The following ABCB6 variants were observed in gnomAD, a reference collection of about 807,000 sequenced individuals.
ABCB6 encodes ATP-binding cassette sub-family B member 6.
In ABCB6, 87 loss-of-function variants were observed where a neutral mutation model predicts 99.4. That is an observed-to-expected ratio of 0.88 (90% CI 0.74 to 1.05). The LOEUF (loss-of-function observed/expected upper bound fraction) is 1.05. Among genes scored for constraint, ABCB6 ranks in the 50% least tolerant of loss-of-function variants. The pLI is 0.00. For synonymous variants in ABCB6, 482 were observed against 447.5 expected (o/e 1.08, Z -0.97); for missense variants, 1,050 against 1,097.9 (o/e 0.96, Z 0.62).
intron 2 of ABCB6, among the ~76,000 whole-genome samples, 169 bp from the exon 3 acceptor site, chr2:219,217,001 A>C (rs140919673): frequency 6.6e-4 from 100 of 152,348 alleles, no homozygotes; most frequent in Middle Eastern, 3.4e-3. Context: ...TTTGGAAAAG[A>C]AGCATTTCAT....
At position 219,216,385 on chromosome 2, in the gene ABCB6, C is replaced by T. The variant is rs932780824; in HGVS notation, c.949G>A (p.Gly317Arg). 1 of 1,614,002 alleles carries T rather than the reference C, an allele frequency of 6.2e-7. No individual in the cohort carries two copies. Among genetic ancestry groups the T allele is most frequent in the African/African-American group, 1.3e-5 (1 of 74,980 alleles). ...ATACCTGTACTGCCAGTGCCACCCC[C>T]CTGGAGGAACTTGAGGAAGACGTAA... ...TSYVFLKFLQ[G>R]GGTGSTGFVS... The change falls in exon 4 of 19, where the codon GGG becomes AGG. Residue 317 changes from glycine to arginine, a missense_variant. By Grantham distance (125) the Gly-to-Arg change is moderately radical. Transcript: ENST00000265316. This position sits in a 1 kb window ranked among gnomAD's most constrained non-coding sequence, Gnocchi z 4.2.
Position 219,210,743 on chromosome 2 carries a change from G to T in ABCB6, c.2224C>A (p.Leu742Ile). 4 of 1,613,776 alleles carry T rather than the reference G, an allele frequency of 2.5e-6. No individual in the cohort carries two copies. Among genetic ancestry groups the T allele is most frequent in the African/African-American group, 2.7e-5 (2 of 75,038 alleles). The stretch of plus-strand genomic sequence containing the variant: ...AGCAGAATGATGCCCGGAGCCTTGA[G>T]GATGGTGCGGGCAATGGCGACGCGC... ...KQRVAIARTI[L>I]KAPGIILLDE... Residue 742 changes from leucine (L) to isoleucine (I), a missense_variant, in exon 16 of 19, where the codon CTC becomes ATC. Leu to Ile is a conservative substitution (Grantham distance 5). Transcript: ENST00000265316.
rs778661074 is a variant in ABCB6, at chr2:219,218,624, G to A, written c.50C>T (p.Ala17Val). ...GGGACTCAGGCCATCCTGCATCCAG[G>A]CCGGACCCACGGGCCCTTCGGCCTC... ...YCEAEGPVGP[A>V]WMQDGLSPCF... The change falls in exon 1 of 19, where the codon GCC (alanine) becomes GTC (valine). Residue 17 changes from alanine to valine, a missense_variant. Coordinates refer to ENST00000265316, the MANE Select transcript of ABCB6 (RefSeq NM_005689.4). 6.2e-7 allele frequency: 1 copy of A among 1,607,070 alleles called. No individual in the cohort carries two copies. The highest frequency in any genetic ancestry group is 2.2e-5 in the East Asian group (1 of 44,704).
rs1950670859 is a variant in ABCB6, at chr2:219,218,217, G to A, written c.457C>T (p.Leu153Phe). ...KFRHSPGLLL[L>F]WTVAFAAENL... ...TCAGCTGCAAACGCCACAGTCCAGA[G>A]GAGCAGGAGACCAGGGCTGTGCCTG... Residue 153 changes from leucine (L) to phenylalanine (F), a missense_variant, in exon 1 of 19, where the codon CTC becomes TTC. Transcript: ENST00000265316. 6.2e-7 allele frequency: 1 copy of A among 1,613,864 alleles called. No homozygotes were observed. The highest frequency in any genetic ancestry group is 8.5e-7 in the Non-Finnish European group (1 of 1,180,028).
chr2:219,215,450 A>G (rs1268310647), intron 5 of ABCB6: 1 of 209,054 alleles, frequency 4.8e-6, no homozygotes, highest in Admixed American at 5.4e-5. Context: ...AATGCAAAAA[A>G]GCAGAACCCA....
rs992853876 is a variant in ABCB6 at position 219,210,645 on chromosome 2, A to G, written c.2256+66T>C. The G allele has an allele frequency of 1.7e-5, 28 of 1,608,470 alleles. 1 individual carries two copies. In the Admixed American group the frequency reaches 2.8e-4, roughly 16 times the overall value. ...CATGGTATCTGTTCTAGGTGGGGAC[A>G]GTGCCCAGGAGGAACGGCTTGAGCA... On this transcript the variant is annotated intron_variant, in intron 16 of 18. Transcript: ENST00000265316.
intron 2 of ABCB6, among the ~76,000 whole-genome samples, 180 bp from the exon 3 acceptor site, chr2:219,217,012 T>C (rs1459332480): frequency 6.6e-6 from 1 of 152,048 alleles, no homozygotes; most frequent in Non-Finnish European, 1.5e-5. Context: ...AGCATTTCAT[T>C]TTGGGGGAAG....
Position 219,213,873 on chromosome 2 carries a change from C to T in ABCB6, c.1531G>A (p.Ala511Thr), listed in dbSNP as rs140089441. The T allele has an allele frequency of 9.6e-5, 155 of 1,614,150 alleles. 1 individual carries two copies. In the African/African-American group the frequency reaches 1.9e-3, roughly 19 times the overall value. The part of the protein sequence containing the change: ...QNLVIGLGLL[A>T]GSLLCAYFVT... The stretch of plus-strand genomic sequence containing the variant: ...AAGTATGCGCAAAGCAGGGAGCCGG[C>T]GAGGAGCCCGAGCCCAATCACCAGG... The change falls in exon 9 of 19, where the codon GCC (alanine) becomes ACC (threonine). Residue 511 changes from alanine to threonine, a missense_variant. By Grantham distance (58) the Ala-to-Thr change is moderately conservative. Transcript: ENST00000265316.
At position 219,218,923 on chromosome 2, in the gene ABCB6, C is replaced by G; in HGVS notation, c.-250G>C. 1 of 476,420 alleles carries G rather than the reference C, an allele frequency of 2.1e-6. No individual in the cohort carries two copies. The highest frequency in any genetic ancestry group is 3.7e-5 in the East Asian group (1 of 27,172). The allele number at this position is 476,420 out of a possible 1,614,324, so 29.5% of individuals were successfully genotyped here. ...CAGCACGGCCCCGCTGGCTCTGGGC[C>G]CGGGACCCTCCTGCCAACTGCAGGC... On this transcript the variant is annotated 5_prime_UTR_variant, in exon 1 of 19. Coordinates refer to ENST00000265316, the MANE Select transcript of ABCB6 (RefSeq NM_005689.4).
Position 219,216,721 on chromosome 2 carries a change from T to G in ABCB6, c.799A>C (p.Ile267Leu), listed in dbSNP as rs777412078. 5 of 1,604,354 alleles carry G rather than the reference T, an allele frequency of 3.1e-6. No homozygotes were observed. Among genetic ancestry groups the G allele is most frequent in the Non-Finnish European group, 4.3e-6 (5 of 1,175,666 alleles). ...TCCAAACCCATGAGCCCCAGGCAGA[T>G]GAGCACCACCAGCTGCAGAGCTGGA... is the stretch of plus-strand genomic sequence containing the variant. ...GSPALQLVVL[I>L]CLGLMGLERA... is the part of the protein sequence containing the mutation. The change falls in exon 3 of 19, where the codon ATC (isoleucine) becomes CTC (leucine). Residue 267 changes from isoleucine to leucine, a missense_variant. Physicochemically the swap from Ile to Leu is conservative, Grantham distance 5. Coordinates refer to ENST00000265316, the MANE Select transcript of ABCB6 (RefSeq NM_005689.4). The surrounding 1 kb of genome is among the most constrained non-coding windows in gnomAD (Gnocchi z 4.2).
chr2:219,216,973 C>G lies in ABCB6; in HGVS notation c.688-141G>C, dbSNP rs1950649673. 5 of 682,928 alleles carry G rather than the reference C, an allele frequency of 7.3e-6. No homozygotes were observed. The East Asian group carries it at 1.4e-4, about 19-fold the overall frequency. The allele number at this position is 682,928 out of a possible 1,614,324, so 42.3% of individuals were successfully genotyped here. On this transcript the variant is annotated intron_variant, in intron 2 of 18. Coordinates refer to ENST00000265316, the MANE Select transcript of ABCB6 (RefSeq NM_005689.4). The surrounding 1 kb of genome is among the most constrained non-coding windows in gnomAD (Gnocchi z 4.2). ...GTGATCCTTGATGGGGTCAGAAAAA[C>G]TAAGTTGCAAACTGAGATTTGGAAA...
chr2:219,215,365 T>C (rs961880102), intron 5 of ABCB6: 4 of 352,494 alleles, frequency 1.1e-5, no homozygotes, highest in South Asian at 1.0e-4. Context: ...TATGTCACAA[T>C]ACCATTTGTT....
At chr2:219,217,398 C>T (rs1360532184) in intron 2 of ABCB6, among the ~76,000 whole-genome samples, 1 of 151,742 alleles carries the variant, frequency 6.6e-6, no homozygotes, top group African/African-American at 2.4e-5. Flanking sequence ...GTAATCCTAG[C>T]ACTTTGGGAG....
rs1332510577 is a variant in ABCB6 at position 219,218,589 on chromosome 2, A to C, written c.85T>G (p.Phe29Val). ...MQDGLSPCFFFTLVPSTRMAL... is the reference protein window; with the variant it reads ...MQDGLSPCFFVTLVPSTRMAL... ...ATCCGCGTCGAGGGCACGAGCGTGA[A>C]GAAGAAGCAGGGACTCAGGCCATCC... The change falls in exon 1 of 19, where the codon TTC becomes GTC. Residue 29 changes from phenylalanine (F) to valine (V), a missense_variant. Coordinates refer to ENST00000265316, the MANE Select transcript of ABCB6 (RefSeq NM_005689.4). 6.2e-7 allele frequency: 1 copy of C among 1,611,728 alleles called. No homozygotes were observed. The highest frequency in any genetic ancestry group is 1.3e-5 in the African/African-American group (1 of 74,920).
intron 9 of ABCB6, 74 bp downstream of exon 9, chr2:219,213,752 G>C (rs1950606162): frequency 6.2e-7 from 1 of 1,613,566 alleles, no homozygotes; most frequent in African/African-American, 1.3e-5. Flanking sequence ...CTACCGAAGA[G>C]CCTGGTGACC....
chr2:219,215,086 G>A lies in ABCB6; in HGVS notation c.1155-4C>T, dbSNP rs1023811039. 1 of 1,614,072 alleles carries A rather than the reference G, an allele frequency of 6.2e-7. No individual in the cohort carries two copies. Among genetic ancestry groups the A allele is most frequent in the African/African-American group, 1.3e-5 (1 of 75,060 alleles). Reference sequence around the variant, plus strand: ...GATGACATTGAACACCAGGTAGCTAGGAGGGCAGGTCAAGTGAATAAGAAA... The same window carrying A: ...GATGACATTGAACACCAGGTAGCTAAGAGGGCAGGTCAAGTGAATAAGAAA... On this transcript the variant is annotated splice_region_variant and splice_polypyrimidine_tract_variant and intron_variant, in intron 5 of 18. Coordinates refer to ENST00000265316, the MANE Select transcript of ABCB6 (RefSeq NM_005689.4).
Position 219,216,507 on chromosome 2 carries a change from A to T in ABCB6, c.869-42T>A. 6.3e-7 allele frequency: 1 copy of T among 1,599,364 alleles called. No individual in the cohort carries two copies. The highest frequency in any genetic ancestry group is 1.1e-5 in the South Asian group (1 of 90,284). On this transcript the variant is annotated intron_variant, in intron 3 of 18. Coordinates refer to ENST00000265316, the MANE Select transcript of ABCB6 (RefSeq NM_005689.4). This position sits in a 1 kb window ranked among gnomAD's most constrained non-coding sequence, Gnocchi z 4.2. ...TCAGAACCCACTTATGGCGCCCAGGACTCTCTTCAGGCAAAATGGCCCCAG... is the reference window on the plus strand; with the variant it reads ...TCAGAACCCACTTATGGCGCCCAGGTCTCTCTTCAGGCAAAATGGCCCCAG...
At chr2:219,215,882 C>T (rs1950632854) in intron 5 of ABCB6, 115 bp downstream of exon 5, 1 of 1,187,690 alleles carries the variant, frequency 8.4e-7, no homozygotes, top group Non-Finnish European at 1.1e-6. Flanking sequence ...CTTTAAAAAA[C>T]ACCAAGGTGG....
chr2:219,214,295 A>T (rs1950613378), intron 7 of ABCB6, 94 bp downstream of exon 7: 4 of 1,470,494 alleles, frequency 2.7e-6, no homozygotes, highest in Non-Finnish European at 3.8e-6. Flanking sequence ...ACACACAAAC[A>T]TCACACCCCC....
Sources: gnomAD v4.1 joint callset for allele counts (sites outside exome capture counted in the v4.1 genomes callset) on GRCh38, gnomAD v4.1.1 for gene constraint, Gnocchi (gnomAD v3.1) non-coding constraint, MANE v1.5 for transcripts, NCBI Gene and HGNC (gene_info 2026-07-23, HGNC 2026-07-21) for gene names.